DDHD1: variants seen among roughly 807,000 people sequenced by gnomAD.
The protein encoded by DDHD1 is DDHD domain containing 1.
DDHD1 carries 49 observed loss-of-function variants against 96.4 expected under a neutral mutation model. The ratio of observed to expected loss-of-function variants is 0.51; its 90% CI spans 0.40 to 0.64. The LOEUF is 0.64. DDHD1 is among the 30% of genes least tolerant of loss of function. The probability of loss-of-function intolerance (pLI) is 0.00; values close to 1 mark genes in which losing one functional copy is unlikely to be tolerated. For missense variants in DDHD1, 1,106 were observed against 1,161.2 expected (o/e 0.95, Z 0.69); for synonymous variants, 442 against 446.5 (o/e 0.99, Z 0.13).
chr14:53,059,667 C>T (rs1300403293), intron 8 of DDHD1, among the ~76,000 whole-genome samples: 2 of 148,910 alleles, frequency 1.3e-5, no homozygotes, highest in Admixed American at 1.3e-4. Context: ...AGTTCGAGAC[C>T]AGCCTGGCCA....
intron 1 of DDHD1, among the ~76,000 whole-genome samples, chr14:53,127,894 T>C (rs2139825598): frequency 6.6e-6 from 1 of 152,332 alleles, no homozygotes; most frequent in African/African-American, 2.4e-5. Flanking sequence ...TGGAATGACA[T>C]GGTTTGGCCA....
intron 1 of DDHD1, among the ~76,000 whole-genome samples, chr14:53,111,983 A>C (rs1433709707): frequency 6.6e-6 from 1 of 152,224 alleles, no homozygotes; most frequent in South Asian, 2.1e-4. Context: ...ATTTATTATG[A>C]AAGGGAGCTT....
intron 12 of DDHD1, among the ~76,000 whole-genome samples, chr14:53,050,444 T>A (rs145030144): frequency 6.6e-6 from 1 of 152,134 alleles, no homozygotes; most frequent in Non-Finnish European, 1.5e-5. Flanking sequence ...CATTTCTTTG[T>A]ATGAATGATT....
chr14:53,124,040 TG>T (rs1316946186), intron 1 of DDHD1, among the ~76,000 whole-genome samples: 1 of 151,696 alleles, frequency 6.6e-6, no homozygotes, highest in Non-Finnish European at 1.5e-5. Flanking sequence ...GAGACCAGCC[TG>T]GCCAACATGG....
chr14:53,097,814 A>G (rs1353462282), intron 2 of DDHD1, among the ~76,000 whole-genome samples: 1 of 152,022 alleles, frequency 6.6e-6, no homozygotes, highest in African/African-American at 2.4e-5. Context: ...AAAGAATAGT[A>G]TAATTTAAGG....
rs141553998 is a variant in DDHD1 at position 53,060,934 on chromosome 14, A to T, written c.1842+192T>A. Among the ~76,000 whole-genome samples, 61 of 152,308 alleles carry T rather than the reference A, an allele frequency of 4.0e-4. 1 individual carries two copies. In the Middle Eastern group the frequency reaches 0.024, roughly 59 times the overall value. On this transcript the variant is annotated intron_variant, in intron 8 of 12. Transcript: ENST00000673822. ...TAATACTGTGCCATATAACCTGAGG[A>T]CTGGGGAACTGACTTGTCTATTCTT...
At chr14:53,114,482 G>A (rs1033708423) in intron 1 of DDHD1, among the ~76,000 whole-genome samples, 2 of 152,144 alleles carry the variant, frequency 1.3e-5, no homozygotes, top group Non-Finnish European at 2.9e-5. Flanking sequence ...CCTCATACAG[G>A]GGAGCTCTGG....
At chr14:53,096,099 A>G (rs560984277) in intron 2 of DDHD1, 2 of 971,390 alleles carry the variant, frequency 2.1e-6, no homozygotes, top group Non-Finnish European at 2.4e-6. Context: ...TGGAGAAATA[A>G]AACTACAATT....
intron 4 of DDHD1, among the ~76,000 whole-genome samples, chr14:53,077,192 G>A (rs1212691515): frequency 6.6e-6 from 1 of 152,136 alleles, no homozygotes; most frequent in Admixed American, 6.6e-5. Context: ...CTGTTTTGGC[G>A]AGACTACTAC....
intron 10 of DDHD1, among the ~76,000 whole-genome samples, 158 bp from the exon 11 acceptor site, chr14:53,054,787 T>C (rs1185702121): frequency 6.6e-6 from 1 of 152,170 alleles, no homozygotes; most frequent in Non-Finnish European, 1.5e-5. Context: ...ATATTGCAGG[T>C]TTCTAAATAA....
At chr14:53,052,482 G>C (rs2139826812) in intron 11 of DDHD1, 1 of 152,218 alleles carries the variant, frequency 6.6e-6, no homozygotes, top group East Asian at 1.9e-4. Flanking sequence ...AGGGAAGCCA[G>C]AATCACCTAA....
At position 53,073,753 on chromosome 14, in the gene DDHD1, T is replaced by C; in HGVS notation, c.1384A>G (p.Thr462Ala). The change falls in exon 5 of 13, where the codon ACT (threonine) becomes GCT (alanine). Residue 462 changes from threonine (T) to alanine (A), a missense_variant. Physicochemically the swap from Thr to Ala is moderately conservative, Grantham distance 58. Coordinates refer to ENST00000673822, the MANE Select transcript of DDHD1 (RefSeq NM_001160148.2). ...TAAATAAATATACCTCCATCAAGAG[T>C]AAGTTTTGACCGCCACTCAACAGGC... ...FLPVEWRSKL[T>A]LDGDTVDSIT... The C allele has an allele frequency of 6.2e-7, 1 of 1,607,582 alleles. No homozygotes were observed. The highest frequency in any genetic ancestry group is 8.5e-7 in the Non-Finnish European group (1 of 1,176,530).
At chr14:53,048,087 A>G (rs1465352111) in intron 12 of DDHD1, among the ~76,000 whole-genome samples, 1 of 152,214 alleles carries the variant, frequency 6.6e-6, no homozygotes, top group Non-Finnish European at 1.5e-5. Context: ...ACTCTAGGGA[A>G]ATATTTCATA....
intron 7 of DDHD1, among the ~76,000 whole-genome samples, chr14:53,062,639 A>G (rs1883685044): frequency 6.6e-6 from 1 of 152,208 alleles, no homozygotes; most frequent in African/African-American, 2.4e-5. Flanking sequence ...AACATTTTCA[A>G]TAAGGATTCT....
At chr14:53,106,168 A>C (rs1887675927) in intron 1 of DDHD1, among the ~76,000 whole-genome samples, 1 of 152,238 alleles carries the variant, frequency 6.6e-6, no homozygotes, top group African/African-American at 2.4e-5. Context: ...TTGTCAGAAC[A>C]TATAAAAATT....
chr14:53,071,349 C>CTTTT (rs767536517), intron 6 of DDHD1, among the ~76,000 whole-genome samples: 1 of 151,858 alleles, frequency 6.6e-6, no homozygotes, highest in African/African-American at 2.4e-5. Flanking sequence ...AGTGTAAATG[C>CTTTT]TTTTTTCAGA....
chr14:53,046,976 G>A (rs892654765), intron 12 of DDHD1, 27 bp from the exon 13 acceptor site: 1 of 1,565,718 alleles, frequency 6.4e-7, no homozygotes, highest in African/African-American at 1.4e-5. Flanking sequence ...TTAAACAAAT[G>A]AATACAGATT....
At chr14:53,107,084 T>C (rs528232302) in intron 1 of DDHD1, among the ~76,000 whole-genome samples, 1 of 152,334 alleles carries the variant, frequency 6.6e-6, no homozygotes, top group East Asian at 1.9e-4. Context: ...TCCCCCCTTA[T>C]CTGTGGGGGA....
chr14:53,134,752 C>T (rs527649736), intron 1 of DDHD1, among the ~76,000 whole-genome samples: 4 of 152,154 alleles, frequency 2.6e-5, no homozygotes, highest in Non-Finnish European at 4.4e-5. Context: ...CCCTTGGGCA[C>T]TCTCTAATTG....
Sources: allele counts gnomAD v4.1 joint callset (sites outside exome capture counted in the v4.1 genomes callset), GRCh38; gene constraint gnomAD v4.1.1; transcripts MANE v1.5; gene names NCBI Gene and HGNC (gene_info 2026-07-23, HGNC 2026-07-21).